Variants in NRXN1 observed in about 807,000 individuals in gnomAD.
NRXN1 encodes the protein neurexin 1, also known as neurexin-1.
NRXN1 carries 39 observed loss-of-function variants against 150.9 expected under a neutral mutation model. That is an observed-to-expected ratio of 0.26 (90% CI 0.20 to 0.34). NRXN1 has a LOEUF of 0.34. Among genes scored for constraint, NRXN1 ranks in the 10% least tolerant of loss-of-function variants. The probability of loss-of-function intolerance (pLI) is 1.00; values close to 1 mark genes in which losing one functional copy is unlikely to be tolerated. For synonymous variants in NRXN1, 924 were observed against 757.0 expected, an observed-to-expected ratio of 1.22 and a Z score of -3.62; for missense variants, 1,815 against 1,949.9, an observed-to-expected ratio of 0.93 and a Z score of 1.30.
At chr2:50,467,157 T>C (rs1309107900) in intron 16 of NRXN1, among the ~76,000 whole-genome samples, 1 of 151,754 alleles carries the variant, frequency 6.6e-6, no homozygotes, top group Non-Finnish European at 1.5e-5. Context: ...ACTTACCAGA[T>C]TGGGTATATG....
rs1444390822 is a variant in NRXN1 at position 50,514,277 on chromosome 2, T to G, written c.2375-7660A>C. 3.9e-5 allele frequency among the ~76,000 whole-genome samples: 6 copies of G among 152,286 alleles called. No homozygotes were observed. In the South Asian group the frequency reaches 1.2e-3, roughly 32 times the overall value. On this transcript the variant is annotated intron_variant, in intron 12 of 22. Transcript: ENST00000401669. ...AAATTGGTTCTATATTTATACATGATTGTTCAATATATTTAGACCTACAGC... is the reference window on the plus strand; with the variant it reads ...AAATTGGTTCTATATTTATACATGAGTGTTCAATATATTTAGACCTACAGC...
intron 5 of NRXN1, among the ~76,000 whole-genome samples, chr2:50,881,937 A>G (rs1387918551): frequency 7.9e-5 from 12 of 151,748 alleles, no homozygotes; most frequent in Admixed American, 7.9e-4. Flanking sequence ...TTTTCTATAA[A>G]CGCAAAAATA....
chr2:50,622,669 GT>G (rs1379214539), intron 6 of NRXN1, among the ~76,000 whole-genome samples: 1 of 152,154 alleles, frequency 6.6e-6, no homozygotes, highest in East Asian at 1.9e-4. Context: ...TCTTGAAAAA[GT>G]TTTTTTAAAA....
chr2:50,206,241 AC>A (rs58851727), intron 18 of NRXN1, among the ~76,000 whole-genome samples: 58,444 of 150,710 alleles, frequency 0.39, 11,670 homozygotes, highest in Non-Finnish European at 0.43. Context: ...ACACACACAC[AC>A]ACACACACAC....
chr2:50,709,661 A>C (rs1246760941), intron 5 of NRXN1, among the ~76,000 whole-genome samples: 1 of 152,182 alleles, frequency 6.6e-6, no homozygotes, highest in East Asian at 1.9e-4. Flanking sequence ...AAAATACCCG[A>C]AATCTGCTTC....
chr2:50,245,759 A>C (rs1422937634), intron 17 of NRXN1, among the ~76,000 whole-genome samples: 1 of 151,876 alleles, frequency 6.6e-6, no homozygotes, highest in Non-Finnish European at 1.5e-5. Flanking sequence ...GTTTAAAAAA[A>C]AAAATGACAT....
chr2:49,967,457 AC>A (rs1677155376), intron 21 of NRXN1, among the ~76,000 whole-genome samples: 1 of 152,082 alleles, frequency 6.6e-6, no homozygotes, highest in South Asian at 2.1e-4. Context: ...CACAACCAAA[AC>A]AAGCAACCTA....
chr2:50,248,975 T>C (rs1165296718), intron 17 of NRXN1, among the ~76,000 whole-genome samples: 1 of 150,184 alleles, frequency 6.7e-6, no homozygotes, highest in Non-Finnish European at 1.5e-5. Context: ...AGCAAGATCC[T>C]GTCTTTACAA....
rs190482887 is a variant in NRXN1 at position 50,089,940 on chromosome 2, C to T, written c.3718+1383G>A. On this transcript the variant is annotated intron_variant, in intron 19 of 22. Coordinates refer to ENST00000401669, the MANE Select transcript of NRXN1 (RefSeq NM_001330078.2). ...TTGGCTTTCAAATCTTCCATTACTTCACCTTATTGTATATGGTTCACATAA... is the reference window on the plus strand; with the variant it reads ...TTGGCTTTCAAATCTTCCATTACTTTACCTTATTGTATATGGTTCACATAA... 5.7e-3 allele frequency among the ~76,000 whole-genome samples: 870 copies of T among 152,316 alleles called. 7 individuals carry two copies. Among genetic ancestry groups the T allele is most frequent in the South Asian group, 0.015 (73 of 4,822 alleles).
At chr2:49,943,821 T>C in intron 21 of NRXN1, 30 bp from the exon 22 acceptor site, 3 of 1,481,012 alleles carry the variant, frequency 2.0e-6, no homozygotes, top group Non-Finnish European at 1.9e-6. Flanking sequence ...AGTAGATTAA[T>C]TTAAAGGGTC....
At chr2:50,117,800 A>C (rs1455908770) in intron 18 of NRXN1, among the ~76,000 whole-genome samples, 1 of 152,000 alleles carries the variant, frequency 6.6e-6, no homozygotes, top group Non-Finnish European at 1.5e-5. Flanking sequence ...ACCAACTGTA[A>C]ATTTTGACAA....
intron 5 of NRXN1, among the ~76,000 whole-genome samples, chr2:50,701,041 T>A (rs1315220647): frequency 6.6e-6 from 1 of 152,128 alleles, no homozygotes; most frequent in Non-Finnish European, 1.5e-5. Context: ...AGAAATAAAA[T>A]TTAGTTCTAG....
At chr2:50,531,550 T>C (rs2093112865) in intron 10 of NRXN1, 120 bp from the exon 11 acceptor site, 1 of 731,882 alleles carries the variant, frequency 1.4e-6, no homozygotes, top group Non-Finnish European at 2.2e-6. Context: ...TACTACAAAA[T>C]CAATTCATCT....
At chr2:50,828,433 G>T (rs1183541084) in intron 5 of NRXN1, among the ~76,000 whole-genome samples, 1 of 151,476 alleles carries the variant, frequency 6.6e-6, no homozygotes, top group African/African-American at 2.4e-5. Context: ...CTTCTCAGAC[G>T]GGGCGGCTGC....
chr2:50,806,276 T>C (rs931132522), intron 5 of NRXN1, among the ~76,000 whole-genome samples: 4 of 152,184 alleles, frequency 2.6e-5, no homozygotes, highest in Non-Finnish European at 5.9e-5. Flanking sequence ...TTGGAGAAAT[T>C]ACAGTTAAGA....
intron 5 of NRXN1, among the ~76,000 whole-genome samples, chr2:50,816,440 A>G (rs1000758900): frequency 3.9e-5 from 6 of 152,172 alleles, no homozygotes; most frequent in African/African-American, 1.4e-4. Flanking sequence ...ACAAATAGCT[A>G]ACAGCCATCT....
chr2:50,696,816 G>T (rs895519538), intron 5 of NRXN1, among the ~76,000 whole-genome samples: 5 of 152,164 alleles, frequency 3.3e-5, no homozygotes, highest in African/African-American at 1.2e-4. Flanking sequence ...AGGAGTCATA[G>T]AGAAGTCATT....
intron 5 of NRXN1, among the ~76,000 whole-genome samples, chr2:50,835,644 A>ATAAT (rs60248248): frequency 0.17 from 25,817 of 152,086 alleles, 2,323 homozygotes; most frequent in Middle Eastern, 0.19. Context: ...AAACTTTGAG[A>ATAAT]TAATTATATT....
intron 2 of NRXN1, among the ~76,000 whole-genome samples, chr2:50,991,740 C>T (rs1005624133): frequency 1.2e-4 from 19 of 152,008 alleles, no homozygotes; most frequent in Non-Finnish European, 2.4e-4. Flanking sequence ...ATCTTGGGAA[C>T]GCGATTCAAG....
Sources: gnomAD v4.1 joint callset for allele counts (sites outside exome capture counted in the v4.1 genomes callset) on GRCh38, gnomAD v4.1.1 for gene constraint, MANE v1.5 for transcripts, NCBI Gene and HGNC (gene_info 2026-07-23, HGNC 2026-07-21) for gene names.